The following SOAT2 variants were observed in gnomAD, a reference collection of about 807,000 sequenced individuals.
The protein encoded by SOAT2 is sterol O-acyltransferase 2.
A neutral mutation model predicts 76.0 loss-of-function variants in SOAT2; 87 were observed. The ratio of observed to expected loss-of-function variants is 1.14; its 90% confidence interval spans 0.96 to 1.37. The LOEUF is 1.37. SOAT2 is among the 40% of genes most tolerant of loss of function. SOAT2 has a pLI of 0.00. For missense variants in SOAT2, 686 were observed against 682.1 expected (o/e 1.01, Z -0.06); for synonymous variants, 285 against 275.4 (o/e 1.03, Z -0.34).
At chr12:53,114,149 C>T (rs1192923754) in intron 5 of SOAT2, among the ~76,000 whole-genome samples, 1 of 151,826 alleles carries the variant, frequency 6.6e-6, no homozygotes, top group Non-Finnish European at 1.5e-5. Context: ...CCTGGCCTGC[C>T]ACATCCCCTC....
chr12:53,110,022 C>T (rs958258342), intron 5 of SOAT2, among the ~76,000 whole-genome samples: 1 of 152,192 alleles, frequency 6.6e-6, no homozygotes, highest in African/African-American at 2.4e-5. Context: ...ATTTCCTTTA[C>T]AATCAACCTT....
chr12:53,117,323 T>C (rs1938120365), intron 7 of SOAT2, among the ~76,000 whole-genome samples: 1 of 148,464 alleles, frequency 6.7e-6, no homozygotes, highest in East Asian at 2.0e-4. Context: ...CAGGCTGGTC[T>C]TGAACTCCTG....
chr12:53,118,190 CT>C (rs142800481), intron 7 of SOAT2, among the ~76,000 whole-genome samples, 159 bp from the exon 8 acceptor site: 2,416 of 151,910 alleles, frequency 0.016, 58 homozygotes, highest in African/African-American at 0.056. Flanking sequence ...CTTAGCTCCC[CT>C]AGCCCGCATC....
At chr12:53,110,348 C>G (rs1342773646) in intron 5 of SOAT2, among the ~76,000 whole-genome samples, 1 of 152,184 alleles carries the variant, frequency 6.6e-6, no homozygotes, top group East Asian at 1.9e-4. Context: ...CAGCGTCTAA[C>G]TCCATGTGTC....
chr12:53,104,361 G>A (rs964975604), intron 2 of SOAT2, among the ~76,000 whole-genome samples, 155 bp downstream of exon 2: 3 of 149,084 alleles, frequency 2.0e-5, no homozygotes, highest in Non-Finnish European at 3.0e-5. Flanking sequence ...GCACAATCTC[G>A]GCTCACTGCA....
chr12:53,118,498 C>A (rs1171693748), intron 8 of SOAT2, 64 bp downstream of exon 8: 26 of 1,235,136 alleles, frequency 2.1e-5, no homozygotes, highest in Non-Finnish European at 2.7e-5. Flanking sequence ...TTCTACTCTC[C>A]CCTCCCTGAG....
At chr12:53,118,977 G>C in intron 9 of SOAT2, 42 bp downstream of exon 9, 1 of 1,612,898 alleles carries the variant, frequency 6.2e-7, no homozygotes, top group Non-Finnish European at 8.5e-7. Flanking sequence ...GACTCATGGT[G>C]GTGGAGAGGG....
rs1022563483 is a variant in SOAT2 at position 53,121,318 on chromosome 12, A to G, written c.1153A>G (p.Thr385Ala). 53 of 1,614,006 alleles carry G rather than the reference A, an allele frequency of 3.3e-5. No individual in the cohort carries two copies. The highest frequency in any genetic ancestry group is 4.5e-5 in the Non-Finnish European group (53 of 1,179,906). Residue 385 changes from threonine (T) to alanine (A), a missense_variant, in exon 12 of 15, where the codon ACG becomes GCG. Physicochemically the swap from Thr to Ala is moderately conservative, Grantham distance 58 (BLOSUM62 0). Transcript: ENST00000301466. Reference sequence around the variant, plus strand: ...CCTTCTCCAGGACTGGTGGAACTCAACGTCCTTCTCCAACTACTACCGCAC... The same window carrying G: ...CCTTCTCCAGGACTGGTGGAACTCAGCGTCCTTCTCCAACTACTACCGCAC... Reference protein sequence around the residue: ...RMFYRDWWNSTSFSNYYRTWN... With the variant: ...RMFYRDWWNSASFSNYYRTWN...
At position 53,116,180 on chromosome 12, in the gene SOAT2, C is replaced by G; in HGVS notation, c.778+14C>G. Reference sequence around the variant, plus strand: ...GTGCCAGACGAGGTGAGGCCTTCATCTTGCCCGGTTGTGAACTCAGTCCTC... The same window carrying G: ...GTGCCAGACGAGGTGAGGCCTTCATGTTGCCCGGTTGTGAACTCAGTCCTC... On this transcript the variant is annotated intron_variant, in intron 7 of 14. Coordinates refer to ENST00000301466, the MANE Select transcript of SOAT2 (RefSeq NM_003578.4). The G allele has an allele frequency of 1.2e-6, 2 of 1,611,610 alleles. No individual in the cohort carries two copies. Among genetic ancestry groups the G allele is most frequent in the Non-Finnish European group, 1.7e-6 (2 of 1,177,738 alleles).
At position 53,116,186 on chromosome 12, in the gene SOAT2, C is replaced by T. The variant is rs369750706; in HGVS notation, c.778+20C>T. 215 of 1,605,826 alleles carry T rather than the reference C, an allele frequency of 1.3e-4. 2 individuals carry two copies. In the East Asian group the frequency reaches 4.2e-3, roughly 32 times the overall value. The stretch of plus-strand genomic sequence containing the variant: ...GACGAGGTGAGGCCTTCATCTTGCC[C>T]GGTTGTGAACTCAGTCCTCTTGGCT... On this transcript the variant is annotated intron_variant, in intron 7 of 14. Transcript: ENST00000301466.
chr12:53,118,237 C>CCCCCCCCCCCCCCCTTTT, intron 7 of SOAT2, 113 bp from the exon 8 acceptor site: 1 of 465,968 alleles, frequency 2.1e-6, no homozygotes, highest in Non-Finnish European at 4.0e-6. Flanking sequence ...TATCCCCCAC[C>CCCCCCCCCCCCCCCTTTT]CCCACCCTAT....
intron 12 of SOAT2, 55 bp from the exon 13 acceptor site, chr12:53,123,026 C>T: frequency 3.3e-6 from 5 of 1,512,156 alleles, no homozygotes; most frequent in Non-Finnish European, 4.4e-6. Flanking sequence ...GGTGGGGGCT[C>T]TTTGTGGAGG....
Position 53,116,122 on chromosome 12 carries a change from C to A in SOAT2, c.734C>A (p.Ser245Tyr), listed in dbSNP as rs1311879912. 6.2e-7 allele frequency: 1 copy of A among 1,614,206 alleles called. No individual in the cohort carries two copies. ...EQVRFLMKSY[S>Y]FLREAVPGTL... ...GTTAGGTTCCTGATGAAAAGCTACT[C>A]CTTCCTGAGAGAGGCTGTGCCTGGG... is the stretch of plus-strand genomic sequence containing the variant. The change falls in exon 7 of 15, where the codon TCC becomes TAC. Residue 245 changes from serine (S) to tyrosine (Y), a missense_variant. By Grantham distance (144) the Ser-to-Tyr change is moderately radical (BLOSUM62 -2). Transcript: ENST00000301466.
Position 53,103,611 on chromosome 12 carries a change from A to G in SOAT2, c.34A>G (p.Arg12Gly). The stretch of plus-strand genomic sequence containing the variant: ...AGGCGGGGCCCGTCTGCGTCTGCAG[A>G]GGACAGAAGGGCTGGGAGGGGAGCG... ...EPGGARLRLQRTEGLGGERER... is the reference protein window; with the variant it reads ...EPGGARLRLQGTEGLGGERER... The change falls in exon 1 of 15, where the codon AGG becomes GGG. Residue 12 changes from arginine to glycine, a missense_variant. Arg to Gly is a moderately radical substitution (Grantham distance 125). Coordinates refer to ENST00000301466, the MANE Select transcript of SOAT2 (RefSeq NM_003578.4). 6.5e-7 allele frequency: 1 copy of G among 1,546,720 alleles called. No homozygotes were observed. The highest frequency in any genetic ancestry group is 1.2e-5 in the South Asian group (1 of 83,968).
chr12:53,104,016 CATG>C, intron 1 of SOAT2, 132 bp from the exon 2 acceptor site: 2 of 820,346 alleles, frequency 2.4e-6, no homozygotes, highest in Admixed American at 3.6e-5. Flanking sequence ...TAGCCCCAAC[CATG>C]ATACTAGATA....
chr12:53,121,519 C>T (rs1007111619), intron 12 of SOAT2, 118 bp downstream of exon 12: 7 of 771,876 alleles, frequency 9.1e-6, no homozygotes, highest in Admixed American at 7.3e-5. Flanking sequence ...GCCTAAGGGC[C>T]GTTTTGATTT....
Position 53,104,346 on chromosome 12 carries a change from C to T in SOAT2, c.138+140C>T, listed in dbSNP as rs1937894531. On this transcript the variant is annotated intron_variant, in intron 2 of 14. Coordinates refer to ENST00000301466, the MANE Select transcript of SOAT2 (RefSeq NM_003578.4). ...TCGCTCTGTTGCTCAGGCTGGAGTG[C>T]ATTGGCACAATCTCGGCTCACTGCA... 3 of 597,908 alleles carry T rather than the reference C, an allele frequency of 5.0e-6. No homozygotes were observed. In the African/African-American group the frequency reaches 5.8e-5, roughly 12 times the overall value. The allele number at this position is 597,908 out of a possible 1,614,324, so 37.0% of individuals were successfully genotyped here.
At chr12:53,107,399 T>G (rs1937952185) in intron 5 of SOAT2, among the ~76,000 whole-genome samples, 1 of 152,138 alleles carries the variant, frequency 6.6e-6, no homozygotes, top group Non-Finnish European at 1.5e-5. Flanking sequence ...CTTCTGAAGT[T>G]TAAGTTGTCT....
At chr12:53,103,692 G>C in intron 1 of SOAT2, 33 bp downstream of exon 1, 2 of 1,464,892 alleles carry the variant, frequency 1.4e-6, no homozygotes, top group Non-Finnish European at 1.8e-6. Flanking sequence ...GAAGGCACAG[G>C]CAAGTGGGGG....
Sources: allele counts gnomAD v4.1 joint callset (sites outside exome capture counted in the v4.1 genomes callset), GRCh38; gene constraint gnomAD v4.1.1; transcripts MANE v1.5; gene names NCBI Gene and HGNC (gene_info 2026-07-23, HGNC 2026-07-21).